RMST: variants seen among roughly 807,000 people sequenced by gnomAD.
RMST encodes long intergenic non-protein coding RNA 54.
At chr12:97,524,378 C>T (rs1395132137) in intron 10 of RMST, among the ~76,000 whole-genome samples, 1 of 151,994 alleles carries the variant, frequency 6.6e-6, no homozygotes, top group Non-Finnish European at 1.5e-5. Flanking sequence ...GCTGTATAGA[C>T]CTATGTTCAC....
chr12:97,513,085 A>G (rs1311988959), intron 10 of RMST, among the ~76,000 whole-genome samples: 2 of 152,128 alleles, frequency 1.3e-5, no homozygotes, highest in Non-Finnish European at 2.9e-5. Flanking sequence ...GCCCGCAAGC[A>G]CCGCGCGCAG....
At chr12:97,524,505 C>A (rs1880891019) in intron 10 of RMST, among the ~76,000 whole-genome samples, 1 of 152,222 alleles carries the variant, frequency 6.6e-6, no homozygotes, top group Admixed American at 6.5e-5. Context: ...ATGATGCTGA[C>A]AATGACACTG....
chr12:97,476,994 C>T (rs1448665312), intron 5 of RMST, among the ~76,000 whole-genome samples: 1 of 152,054 alleles, frequency 6.6e-6, no homozygotes, highest in African/African-American at 2.4e-5. Context: ...TTATAGAATT[C>T]TAGAGCCAGG....
chr12:97,506,333 A>T (rs1878659149), intron 10 of RMST, among the ~76,000 whole-genome samples: 1 of 152,224 alleles, frequency 6.6e-6, no homozygotes, highest in African/African-American at 2.4e-5. Flanking sequence ...TTGAAATCAA[A>T]ATAATGGTGA....
chr12:97,518,794 G>T (rs752380999), intron 10 of RMST, among the ~76,000 whole-genome samples: 2 of 151,970 alleles, frequency 1.3e-5, no homozygotes, highest in African/African-American at 4.8e-5. Context: ...TAGAAAAAAG[G>T]TCTCGTTCTG....
intron 10 of RMST, among the ~76,000 whole-genome samples, chr12:97,506,369 T>A (rs1878661854): frequency 6.6e-6 from 1 of 152,216 alleles, no homozygotes; most frequent in African/African-American, 2.4e-5. Flanking sequence ...TGAAATTCCA[T>A]AATTATTTTT....
At chr12:97,463,642 A>G (rs979285574) in intron 4 of RMST, among the ~76,000 whole-genome samples, 7 of 152,166 alleles carry the variant, frequency 4.6e-5, no homozygotes, top group African/African-American at 1.7e-4. Flanking sequence ...TTCATTCTTA[A>G]TTTGTAATTA....
chr12:97,477,601 C>G (rs79366801), intron 5 of RMST, among the ~76,000 whole-genome samples: 8,602 of 152,134 alleles, frequency 0.057, 411 homozygotes, highest in Admixed American at 0.096. Context: ...AAAAACTGGT[C>G]ATAGGTTTTG....
intron 11 of RMST, among the ~76,000 whole-genome samples, chr12:97,536,167 A>G (rs1299040170): frequency 2.6e-5 from 4 of 151,504 alleles, no homozygotes; most frequent in Non-Finnish European, 5.9e-5. Flanking sequence ...TTAGATGTCT[A>G]TGCTGTCAGG....
chr12:97,523,131 C>T (rs920303198), intron 10 of RMST, among the ~76,000 whole-genome samples: 12 of 152,138 alleles, frequency 7.9e-5, no homozygotes, highest in South Asian at 4.1e-4. Flanking sequence ...GTTGCACAAA[C>T]GAAGCATACA....
At chr12:97,517,877 C>T (rs1000753390) in intron 10 of RMST, among the ~76,000 whole-genome samples, 6 of 152,060 alleles carry the variant, frequency 3.9e-5, no homozygotes, top group African/African-American at 7.2e-5. Flanking sequence ...ATTTTTCTTA[C>T]GTATTACCAG....
At chr12:97,561,164 G>T (rs1184568908) in intron 13 of RMST, 1 of 152,182 alleles carries the variant, frequency 6.6e-6, no homozygotes, top group Non-Finnish European at 1.5e-5. Flanking sequence ...GCATTTGTCA[G>T]GTTGTTGACA....
chr12:97,553,456 T>A (rs1565938937), intron 11 of RMST, among the ~76,000 whole-genome samples: 1 of 152,114 alleles, frequency 6.6e-6, no homozygotes, highest in Non-Finnish European at 1.5e-5. Flanking sequence ...CTGCTAGGAG[T>A]GTGCTACTCT....
At chr12:97,467,629 T>C (rs1372568755) in intron 5 of RMST, among the ~76,000 whole-genome samples, 3 of 152,018 alleles carry the variant, frequency 2.0e-5, no homozygotes, top group Non-Finnish European at 4.4e-5. Context: ...GCTTTCTTCT[T>C]GTCATTATGT....
chr12:97,559,088 T>TTCTCTCTCTC lies in RMST; in HGVS notation n.1546-1427_1546-1418dup, dbSNP rs56136727. Among the ~76,000 whole-genome samples, 1,010 of 146,634 alleles carry TTCTCTCTCTC rather than the reference T, an allele frequency of 6.9e-3. 15 individuals are homozygous for TTCTCTCTCTC. Among genetic ancestry groups the TTCTCTCTCTC allele is most frequent in the African/African-American group, 0.024 (948 of 39,710 alleles). ...TTAGATGCAAATATGATTTCGAGGT[T>TTCTCTCTCTC]TCTCTCTCTCTCTCTCTCTCTCTCT... On this transcript the variant is annotated intron_variant and non_coding_transcript_variant, in intron 11 of 13. Coordinates refer to ENST00000640149, the Ensembl canonical transcript of RMST.
chr12:97,508,319 T>G (rs1043698890), intron 10 of RMST, among the ~76,000 whole-genome samples: 1 of 152,126 alleles, frequency 6.6e-6, no homozygotes, highest in African/African-American at 2.4e-5. Context: ...ATGAAACAAC[T>G]CCTGGGGGAG....
chr12:97,564,322 A>G (rs1445804327), exon 14 of RMST: 1 of 169,184 alleles, frequency 5.9e-6, no homozygotes, highest in Non-Finnish European at 1.3e-5. Flanking sequence ...CCCAAGCTCC[A>G]AAAAAGGTAT....
chr12:97,493,077 A>G (rs1877033411), intron 6 of RMST: 1 of 152,628 alleles, frequency 6.6e-6, no homozygotes, highest in Non-Finnish European at 1.5e-5. Context: ...CATCTTTAAA[A>G]AAATACAAAC....
chr12:97,526,776 C>G (rs878982271), intron 10 of RMST, among the ~76,000 whole-genome samples: 3 of 152,224 alleles, frequency 2.0e-5, no homozygotes, highest in Admixed American at 1.3e-4. Flanking sequence ...ACCCAAGATG[C>G]TTGTCTTTGG....
Sources: gnomAD v4.1 joint callset for allele counts (sites outside exome capture counted in the v4.1 genomes callset) on GRCh38, gnomAD v4.1.1 for gene constraint, MANE v1.5 for transcripts, NCBI Gene and HGNC (gene_info 2026-07-23, HGNC 2026-07-21) for gene names.